SNX2: variants seen among roughly 807,000 people sequenced by gnomAD.
SNX2 encodes sorting nexin 2.
Under a neutral mutation model 69.9 loss-of-function variants are expected in SNX2, and 25 were observed. The ratio of observed to expected loss-of-function variants is 0.36; its 90% confidence interval spans 0.26 to 0.50. The LOEUF (loss-of-function observed/expected upper bound fraction) is 0.50. Among genes scored for constraint, SNX2 ranks in the 20% least tolerant of loss-of-function variants. The probability of loss-of-function intolerance (pLI) is 0.97; values close to 1 mark genes in which losing one functional copy is unlikely to be tolerated. For missense variants in SNX2, 551 were observed against 613.3 expected, an observed-to-expected ratio of 0.90 and a Z score of 1.07; for synonymous variants, 229 against 200.4, an observed-to-expected ratio of 1.14 and a Z score of -1.20.
chr5:122,818,220 G>A (rs1753944965), intron 10 of SNX2, among the ~76,000 whole-genome samples: 1 of 152,066 alleles, frequency 6.6e-6, no homozygotes, highest in African/African-American at 2.4e-5. Context: ...TATTCAGCCT[G>A]TAAACATCTA....
intron 6 of SNX2, chr5:122,803,892 A>G: frequency 4.4e-6 from 1 of 226,740 alleles, no homozygotes; most frequent in East Asian, 9.6e-5. Context: ...TAATTCCAGC[A>G]CTTAGGGAGG....
At chr5:122,789,471 ACG>A (rs1491508914) in intron 1 of SNX2, among the ~76,000 whole-genome samples, 9,840 of 70,204 alleles carry the variant, frequency 0.14, 413 homozygotes, top group Admixed American at 0.22. Flanking sequence ...ACAGACACAC[ACG>A]GACACACACA....
At chr5:122,813,240 C>G (rs571417113) in intron 7 of SNX2, among the ~76,000 whole-genome samples, 65 of 151,888 alleles carry the variant, frequency 4.3e-4, no homozygotes, top group African/African-American at 1.5e-3. Context: ...GTTTTAAAAT[C>G]CATTTTATGT....
intron 1 of SNX2, among the ~76,000 whole-genome samples, chr5:122,780,643 C>T (rs1446591180): frequency 4.7e-5 from 7 of 149,902 alleles, no homozygotes; most frequent in East Asian, 2.0e-4. Context: ...AACCTCAGCT[C>T]ACTGCAGCCT....
Position 122,832,428 on chromosome 5 carries a change from A to G in SNX2, c.*2780A>G, listed in dbSNP as rs1754313753. 1 of 152,204 alleles carries G rather than the reference A, an allele frequency of 6.6e-6. No homozygotes were observed. Among genetic ancestry groups the G allele is most frequent in the African/African-American group, 2.4e-5 (1 of 41,458 alleles). 9.4% of individuals were successfully genotyped at this position (152,204 alleles called of 1,614,324 possible). A position where few individuals can be genotyped will look rare whatever the true frequency, so the allele number is the denominator to read the frequency against. On this transcript the variant is annotated 3_prime_UTR_variant, in exon 15 of 15. Transcript: ENST00000379516. ...ATGTGTGTAAAAATATGCCTAACACATAGATTTCCTTGATTGTATTTTCTA... is the reference window on the plus strand; with the variant it reads ...ATGTGTGTAAAAATATGCCTAACACGTAGATTTCCTTGATTGTATTTTCTA...
In SNX2 at chr5:122,826,181, T is replaced by C. The variant is rs1754145552; in HGVS notation, c.1344T>C (p.Asn448=). Residue 448 remains asparagine (N), a synonymous_variant, in exon 12 of 15, where the codon AAT becomes AAC. Transcript: ENST00000379516. Reference sequence around the variant, plus strand: ...CAGATAAAATACAGCAAGCTAAAAATGAAATAAGAGAGGTGATTACTAAAT... The same window carrying C: ...CAGATAAAATACAGCAAGCTAAAAACGAAATAAGAGAGGTGATTACTAAAT... ...NKPDKIQQAK[N]EIREWEAKVQ... is the part of the protein sequence containing the mutation. The C allele has an allele frequency of 6.2e-7, 1 of 1,612,392 alleles. No homozygotes were observed. Among genetic ancestry groups the C allele is most frequent in the East Asian group, 2.2e-5 (1 of 44,748 alleles).
chr5:122,814,344 T>C (rs867706965), intron 7 of SNX2, among the ~76,000 whole-genome samples: 3 of 152,236 alleles, frequency 2.0e-5, no homozygotes, highest in African/African-American at 7.2e-5. Context: ...ATCCCTTTTT[T>C]GGCTTCATAA....
Position 122,802,069 on chromosome 5 carries a change from C to CT in SNX2, c.458-5dup, listed in dbSNP as rs1355047438. 3 of 1,611,448 alleles carry CT rather than the reference C, an allele frequency of 1.9e-6. No individual in the cohort carries two copies. Among genetic ancestry groups the CT allele is most frequent in the East Asian group, 2.2e-5 (1 of 44,840 alleles). On this transcript the variant is annotated splice_polypyrimidine_tract_variant and intron_variant, in intron 4 of 14. Transcript: ENST00000379516. Reference sequence around the variant, plus strand: ...ATGTGATTTTAATAGTAGTGTTTGACTTTTTTTGCAGGTGATGGCATGAAT... The same window carrying CT: ...ATGTGATTTTAATAGTAGTGTTTGACTTTTTTTTGCAGGTGATGGCATGAAT...
rs1251137928 is a variant in SNX2 at position 122,832,337 on chromosome 5, C to A, written c.*2689C>A. 3 of 152,054 alleles carry A rather than the reference C, an allele frequency of 2.0e-5. No homozygotes were observed. The highest frequency in any genetic ancestry group is 4.4e-5 in the Non-Finnish European group (3 of 67,998). The allele number at this position is 152,054 out of a possible 1,614,324, so 9.4% of individuals were successfully genotyped here. The stretch of plus-strand genomic sequence containing the variant: ...AAAATATTTTGTTTAAAATATCAAA[C>A]TTCAATATAAATATGTTGGAAAACA... On this transcript the variant is annotated 3_prime_UTR_variant, in exon 15 of 15. Transcript: ENST00000379516.
At chr5:122,823,583 T>A (rs1389304457) in intron 11 of SNX2, among the ~76,000 whole-genome samples, 1 of 152,204 alleles carries the variant, frequency 6.6e-6, no homozygotes, top group Non-Finnish European at 1.5e-5. Context: ...TTCCCTGTAT[T>A]GGTACATATT....
At chr5:122,785,060 TTTC>T (rs1753053845) in intron 1 of SNX2, among the ~76,000 whole-genome samples, 1 of 152,136 alleles carries the variant, frequency 6.6e-6, no homozygotes, top group Non-Finnish European at 1.5e-5. Flanking sequence ...ATGGTAAACT[TTTC>T]TTTTTTTTCC....
intron 2 of SNX2, among the ~76,000 whole-genome samples, chr5:122,798,471 C>G (rs1338419641): frequency 6.6e-6 from 1 of 152,070 alleles, no homozygotes; most frequent in African/African-American, 2.4e-5. Flanking sequence ...ACGTGTATAA[C>G]CTTATTTCAG....
intron 14 of SNX2, among the ~76,000 whole-genome samples, chr5:122,829,011 C>T (rs1483910635): frequency 6.6e-6 from 1 of 151,912 alleles, no homozygotes; most frequent in Admixed American, 6.6e-5. Context: ...CCCAGCTACT[C>T]AGGAGGCTGA....
Position 122,827,400 on chromosome 5 carries a change from G to C in SNX2, c.1378G>C (p.Gly460Arg). 2 of 1,613,432 alleles carry C rather than the reference G, an allele frequency of 1.2e-6. No individual in the cohort carries two copies. Residue 460 changes from glycine to arginine, a missense_variant, in exon 13 of 15, where the codon GGG (glycine) becomes CGG (arginine). Physicochemically the swap from Gly to Arg is moderately radical, Grantham distance 125 (BLOSUM62 -2). Around this residue, in one of 2 missense-constraint regions of SNX2, gnomAD observed 360 missense variants for 450.4 expected, o/e 0.80. Coordinates refer to ENST00000379516, the MANE Select transcript of SNX2 (RefSeq NM_003100.4). Reference protein sequence around the residue: ...IREWEAKVQQGERDFEQISKT... With the variant: ...IREWEAKVQQRERDFEQISKT... ...TTAGTGGGAGGCGAAAGTGCAACAA[G>C]GGGAAAGAGATTTTGAACAGATATC... is the stretch of plus-strand genomic sequence containing the variant.
Position 122,818,918 on chromosome 5 carries a change from G to A in SNX2, c.1107G>A (p.Glu369=), listed in dbSNP as rs1753957823. 6.2e-7 allele frequency: 1 copy of A among 1,613,932 alleles called. No homozygotes were observed. The highest frequency in any genetic ancestry group is 1.3e-5 in the African/African-American group (1 of 75,020). Residue 369 remains glutamate, a synonymous_variant, in exon 11 of 15, where the codon GAG becomes GAA. Transcript: ENST00000379516. ...ALSRALSQLA[E]VEEKIDQLHQ... ...CTAGAGCTTTGTCTCAGCTTGCAGA[G>A]GTTGAGGAGAAGATAGACCAGTTAC... is the stretch of plus-strand genomic sequence containing the variant.
At chr5:122,800,617 G>T (rs77884322) in intron 3 of SNX2, among the ~76,000 whole-genome samples, 3,163 of 152,264 alleles carry the variant, frequency 0.021, 45 homozygotes, top group Non-Finnish European at 0.031. Context: ...CTGAGCTGTA[G>T]TGATGATGCT....
intron 1 of SNX2, among the ~76,000 whole-genome samples, chr5:122,779,716 T>A (rs1227033890): frequency 6.6e-6 from 1 of 152,230 alleles, no homozygotes; most frequent in Non-Finnish European, 1.5e-5. Flanking sequence ...TGGGATGAGT[T>A]GGAGGCACTT....
rs965542044 is a variant in SNX2 at position 122,831,191 on chromosome 5, G to A, written c.*1543G>A. Among the ~76,000 whole-genome samples the A allele has an allele frequency of 2.0e-5, 3 of 151,996 alleles. No homozygotes were observed. The highest frequency in any genetic ancestry group is 4.8e-5 in the African/African-American group (2 of 41,346). On this transcript the variant is annotated 3_prime_UTR_variant, in exon 15 of 15. Coordinates refer to ENST00000379516, the MANE Select transcript of SNX2 (RefSeq NM_003100.4). Reference sequence around the variant, plus strand: ...AGTCACTGGATACAATTTATATATCGAAGTATCCTTAGCATGTGTTTGCTT... The same window carrying A: ...AGTCACTGGATACAATTTATATATCAAAGTATCCTTAGCATGTGTTTGCTT...
chr5:122,801,240 A>G lies in SNX2; in HGVS notation c.391-629A>G, dbSNP rs1561456050. The stretch of plus-strand genomic sequence containing the variant: ...AATAATCTGAATCTGAAGATTCAGT[A>G]TATAGAACAAAAAATTCCACAATAT... On this transcript the variant is annotated intron_variant, in intron 3 of 14. Coordinates refer to ENST00000379516, the MANE Select transcript of SNX2 (RefSeq NM_003100.4). Among the ~76,000 whole-genome samples, 5 of 152,294 alleles carry G rather than the reference A, an allele frequency of 3.3e-5. No homozygotes were observed. In the South Asian group the frequency reaches 1.0e-3, roughly 32 times the overall value.
Sources: allele counts gnomAD v4.1 joint callset (sites outside exome capture counted in the v4.1 genomes callset), GRCh38; gene constraint gnomAD v4.1.1; regional missense constraint gnomAD v4.1.1; transcripts MANE v1.5; gene names NCBI Gene and HGNC (gene_info 2026-07-23, HGNC 2026-07-21).